BABAM2: variants seen among roughly 807,000 people sequenced by gnomAD.
The protein encoded by BABAM2 is BRISC and BRCA1-A complex member 2.
A neutral mutation model predicts 54.7 loss-of-function variants in BABAM2; 31 were observed. The observed-to-expected ratio is 0.57, with a 90% CI of 0.43 to 0.77. The LOEUF (loss-of-function observed/expected upper bound fraction) is 0.77, where lower values mean the gene tolerates loss of function less well. BABAM2 is among the 30% of genes least tolerant of loss of function. The pLI, the probability that BABAM2 is intolerant of heterozygous loss-of-function variation, is 0.00. For missense variants in BABAM2, 364 were observed against 455.8 expected, an observed-to-expected ratio of 0.80 and a Z score of 1.83; for synonymous variants, 167 against 162.9, an observed-to-expected ratio of 1.03 and a Z score of -0.19.
chr2:28,221,708 G>C (rs1028587872), intron 7 of BABAM2, among the ~76,000 whole-genome samples: 7 of 152,162 alleles, frequency 4.6e-5, no homozygotes, highest in African/African-American at 1.7e-4. Flanking sequence ...TTACATTTGT[G>C]ATTTGGTTCT....
chr2:28,326,483 C>G (rs876251), intron 11 of BABAM2, among the ~76,000 whole-genome samples: 92 of 152,010 alleles, frequency 6.1e-4, no homozygotes, highest in Admixed American at 5.8e-3. Context: ...CTTAGCCCCC[C>G]ACACCCACCA....
intron 4 of BABAM2, chr2:28,016,130 CAGA>C (rs1478205762): frequency 1.7e-6 from 2 of 1,200,614 alleles, no homozygotes; most frequent in Non-Finnish European, 2.4e-6. Context: ...TCTTCAGAAT[CAGA>C]AGAACTGCTG....
intron 11 of BABAM2, among the ~76,000 whole-genome samples, chr2:28,319,937 G>A (rs984694232): frequency 6.6e-6 from 1 of 152,182 alleles, no homozygotes; most frequent in Non-Finnish European, 1.5e-5. Flanking sequence ...TCCCCACTGC[G>A]CAGTGTGTGC....
intron 7 of BABAM2, among the ~76,000 whole-genome samples, chr2:28,163,249 C>A (rs918595599): frequency 6.6e-6 from 1 of 152,074 alleles, no homozygotes; most frequent in Admixed American, 6.5e-5. Context: ...TGGGTGCCAG[C>A]GCTTCTTCCA....
intron 6 of BABAM2, among the ~76,000 whole-genome samples, chr2:28,053,740 A>G (rs1678173421): frequency 6.6e-6 from 1 of 152,176 alleles, no homozygotes; most frequent in Non-Finnish European, 1.5e-5. Flanking sequence ...AGGGTCCAGC[A>G]GGCTCCTCTA....
intron 6 of BABAM2, among the ~76,000 whole-genome samples, chr2:28,107,228 T>C (rs1444676179): frequency 2.6e-4 from 40 of 152,114 alleles, no homozygotes; most frequent in Admixed American, 2.6e-3. Flanking sequence ...CTTCCTCTCC[T>C]CTGGACCACT....
intron 7 of BABAM2, among the ~76,000 whole-genome samples, chr2:28,180,037 C>T (rs1675448617): frequency 6.6e-6 from 1 of 152,084 alleles, no homozygotes; most frequent in African/African-American, 2.4e-5. Flanking sequence ...AATGACTATA[C>T]TACTCAAAGC....
Position 28,079,977 on chromosome 2 carries a change from C to T in BABAM2, c.570+34178C>T, listed in dbSNP as rs140610713. On this transcript the variant is annotated intron_variant, in intron 6 of 11. Transcript: ENST00000379624. ...ATCTAGGCTCATAGTTAACATTATACTGTAGATATATTTCTGCAGGGTTAG... is the reference window on the plus strand; with the variant it reads ...ATCTAGGCTCATAGTTAACATTATATTGTAGATATATTTCTGCAGGGTTAG... 3.4e-4 allele frequency among the ~76,000 whole-genome samples: 51 copies of T among 152,130 alleles called. 1 individual carries two copies. In the East Asian group the frequency reaches 9.3e-3, roughly 28 times the overall value.
intron 3 of BABAM2, among the ~76,000 whole-genome samples, chr2:27,937,100 G>A (rs1668541564): frequency 6.6e-6 from 1 of 152,014 alleles, no homozygotes; most frequent in Non-Finnish European, 1.5e-5. Context: ...TTGCTTTATT[G>A]TGATACTCGC....
intron 6 of BABAM2, among the ~76,000 whole-genome samples, chr2:28,127,053 G>T (rs1317304232): frequency 2.0e-5 from 3 of 152,024 alleles, no homozygotes; most frequent in Non-Finnish European, 4.4e-5. Flanking sequence ...TTTGTCAGAT[G>T]AGTAGGTTGC....
intron 7 of BABAM2, among the ~76,000 whole-genome samples, chr2:28,147,456 A>C (rs946737351): frequency 6.6e-6 from 1 of 151,992 alleles, no homozygotes; most frequent in Non-Finnish European, 1.5e-5. Flanking sequence ...AAAAAGTTAT[A>C]ATTTTTCCCT....
chr2:27,951,973 G>C (rs190298773), intron 3 of BABAM2, among the ~76,000 whole-genome samples: 99 of 152,280 alleles, frequency 6.5e-4, no homozygotes, highest in African/African-American at 1.4e-3. Flanking sequence ...ATTGGAAGAA[G>C]GATATGGAAA....
chr2:27,904,640 G>A (rs1302456978), intron 2 of BABAM2, among the ~76,000 whole-genome samples: 1 of 152,140 alleles, frequency 6.6e-6, no homozygotes, highest in Non-Finnish European at 1.5e-5. Flanking sequence ...CAGAGACAAT[G>A]CAAGGTACAG....
intron 6 of BABAM2, among the ~76,000 whole-genome samples, chr2:28,079,150 A>G (rs778262186): frequency 6.6e-6 from 1 of 152,224 alleles, no homozygotes. Context: ...ATCATTTCTC[A>G]AGAACCATTA....
chr2:28,333,620 G>A (rs768897482), intron 11 of BABAM2, among the ~76,000 whole-genome samples: 1 of 152,220 alleles, frequency 6.6e-6, no homozygotes, highest in Non-Finnish European at 1.5e-5. Context: ...ATGAAACCCT[G>A]AGCAGAGAGA....
intron 10 of BABAM2, among the ~76,000 whole-genome samples, chr2:28,275,314 C>T (rs993080190): frequency 6.6e-6 from 1 of 152,210 alleles, no homozygotes; most frequent in Non-Finnish European, 1.5e-5. Context: ...ATGAGAAATC[C>T]TTCTAGTCCA....
In BABAM2 at chr2:28,258,901, C is replaced by T. The variant is rs1454650597; in HGVS notation, c.934+14039C>T. Among the ~76,000 whole-genome samples the T allele has an allele frequency of 4.0e-5, 6 of 151,562 alleles. No individual in the cohort carries two copies. The South Asian group carries it at 6.3e-4, about 16-fold the overall frequency. ...AAGCAGTTCTCCTGCCTCAGCCTCCCGAGTAGCTGGGACTACAGGCACACG... is the reference window on the plus strand; with the variant it reads ...AAGCAGTTCTCCTGCCTCAGCCTCCTGAGTAGCTGGGACTACAGGCACACG... On this transcript the variant is annotated intron_variant, in intron 10 of 11. Transcript: ENST00000379624.
chr2:28,106,122 C>A (rs1255666608), intron 6 of BABAM2, among the ~76,000 whole-genome samples: 1 of 151,950 alleles, frequency 6.6e-6, no homozygotes, highest in African/African-American at 2.4e-5. Flanking sequence ...GAAATAAAGG[C>A]ATTCTCTTAC....
intron 7 of BABAM2, among the ~76,000 whole-genome samples, chr2:28,132,278 A>G (rs1249391233): frequency 6.6e-6 from 1 of 151,740 alleles, no homozygotes; most frequent in Non-Finnish European, 1.5e-5. Flanking sequence ...AGCTGGGACT[A>G]CAGGCGCCCG....
Sources: gnomAD v4.1 joint callset for allele counts (sites outside exome capture counted in the v4.1 genomes callset) on GRCh38, gnomAD v4.1.1 for gene constraint, MANE v1.5 for transcripts, NCBI Gene and HGNC (gene_info 2026-07-23, HGNC 2026-07-21) for gene names.